Variants in MICU3 observed in about 807,000 individuals in gnomAD.
MICU3 encodes mitochondrial calcium uptake 3, also known as calcium uptake protein 3, mitochondrial.
A neutral mutation model predicts 66.5 loss-of-function variants in MICU3; 62 were observed. That is an observed-to-expected ratio of 0.93 (90% CI 0.76 to 1.15). The LOEUF (loss-of-function observed/expected upper bound fraction) is 1.15, where lower values mean the gene tolerates loss of function less well. Among genes scored for constraint, MICU3 ranks in the 50% most tolerant of loss-of-function variants. The pLI is 0.00. For missense variants in MICU3, 779 were observed against 664.4 expected, an observed-to-expected ratio of 1.17 and a Z score of -1.90; for synonymous variants, 308 against 240.7, an observed-to-expected ratio of 1.28 and a Z score of -2.59.
rs182542072 is a variant in MICU3 at position 17,089,426 on chromosome 8, T to G, written c.850-1120T>G. On this transcript the variant is annotated intron_variant, in intron 7 of 14. Transcript: ENST00000318063. ...ATTTTAGTTTTAAAGTTTTTTTTAG[T>G]TATACTACTTTACTTAGAAAACATT... Among the ~76,000 whole-genome samples, 258 of 152,236 alleles carry G rather than the reference T, an allele frequency of 1.7e-3. 2 individuals carry two copies. Among genetic ancestry groups the G allele is most frequent in the African/African-American group, 5.0e-3 (206 of 41,562 alleles).
At chr8:17,114,006 T>A in intron 11 of MICU3, 87 bp from the exon 12 acceptor site, 1 of 768,174 alleles carries the variant, frequency 1.3e-6, no homozygotes. Context: ...TGCAAATGCT[T>A]AATCTGTTTT....
intron 1 of MICU3, among the ~76,000 whole-genome samples, chr8:17,050,195 G>T (rs1463461688): frequency 6.6e-6 from 1 of 151,968 alleles, no homozygotes; most frequent in Non-Finnish European, 1.5e-5. Context: ...TTTCAGAATG[G>T]TACGCTAAGA....
downstream of MICU3, among the ~76,000 whole-genome samples, chr8:17,127,573 T>G (rs1438915883): frequency 6.6e-6 from 1 of 152,244 alleles, no homozygotes; most frequent in Admixed American, 6.5e-5. Flanking sequence ...CTTTACTATT[T>G]GGACTGAGAA....
chr8:17,036,342 A>G (rs1230238900), intron 1 of MICU3, among the ~76,000 whole-genome samples: 1 of 152,136 alleles, frequency 6.6e-6, no homozygotes, highest in Non-Finnish European at 1.5e-5. Context: ...GAGCAGTAGC[A>G]AGATTTATTG....
chr8:17,068,554 A>G (rs193213703), intron 2 of MICU3, among the ~76,000 whole-genome samples: 1 of 152,296 alleles, frequency 6.6e-6, no homozygotes, highest in African/African-American at 2.4e-5. Context: ...TGTCATAGTT[A>G]AGTTTACATG....
In MICU3 at chr8:17,120,643, A is replaced by G. The variant is rs570574398; in HGVS notation, c.*356A>G. 9.8e-5 allele frequency: 15 copies of G among 152,588 alleles called. No individual in the cohort carries two copies. Among genetic ancestry groups the G allele is most frequent in the Middle Eastern group, 3.4e-3 (1 of 294 alleles). The allele number at this position is 152,588 out of a possible 1,614,324, so 9.5% of individuals were successfully genotyped here. On this transcript the variant is annotated 3_prime_UTR_variant, in exon 15 of 15. Coordinates refer to ENST00000318063, the MANE Select transcript of MICU3 (RefSeq NM_181723.3). ...TTCATTAGAAATTTTCCTCATTTCAAAATAATTTATGACTCATGGAATGTT... is the reference window on the plus strand; with the variant it reads ...TTCATTAGAAATTTTCCTCATTTCAGAATAATTTATGACTCATGGAATGTT...
chr8:17,128,317 C>G, the MICU3 span, among the ~76,000 whole-genome samples: 3 of 151,568 alleles, frequency 2.0e-5, no homozygotes, highest in African/African-American at 4.8e-5. Context: ...ACATGATAAT[C>G]AAGCATAAAC....
At chr8:17,069,775 C>A (rs929710786) in intron 3 of MICU3, 56 bp downstream of exon 3, 5 of 574,912 alleles carry the variant, frequency 8.7e-6, no homozygotes, top group South Asian at 4.6e-5. Flanking sequence ...TGCATATATA[C>A]ATATATAATT....
intron 1 of MICU3, among the ~76,000 whole-genome samples, chr8:17,041,222 G>A (rs755716160): frequency 1.3e-5 from 2 of 151,774 alleles, no homozygotes; most frequent in Non-Finnish European, 2.9e-5. Flanking sequence ...TAAAGGACCG[G>A]CAGAGAAAAG....
At chr8:17,108,565 C>T (rs1358589095) in intron 11 of MICU3, among the ~76,000 whole-genome samples, 1 of 152,110 alleles carries the variant, frequency 6.6e-6, no homozygotes, top group African/African-American at 2.4e-5. Context: ...TTTTCACATT[C>T]TACGTACAAT....
At chr8:17,038,772 T>C (rs1813503211) in intron 1 of MICU3, among the ~76,000 whole-genome samples, 1 of 151,896 alleles carries the variant, frequency 6.6e-6, no homozygotes. Context: ...GCTAACACGG[T>C]GAAACCCCGT....
At chr8:17,074,501 A>G (rs1820082313) in intron 3 of MICU3, among the ~76,000 whole-genome samples, 1 of 152,008 alleles carries the variant, frequency 6.6e-6, no homozygotes, top group Non-Finnish European at 1.5e-5. Context: ...ATAAAACAGT[A>G]TGTAGAGAAT....
At chr8:17,033,149 C>G (rs1812379695) in intron 1 of MICU3, among the ~76,000 whole-genome samples, 2 of 152,182 alleles carry the variant, frequency 1.3e-5, no homozygotes, top group Non-Finnish European at 2.9e-5. Flanking sequence ...AGTTGCACAT[C>G]TCTCACTTTA....
chr8:17,104,200 A>G (rs1238002270), intron 9 of MICU3, among the ~76,000 whole-genome samples, 191 bp from the exon 10 acceptor site: 2 of 151,888 alleles, frequency 1.3e-5, no homozygotes, highest in Non-Finnish European at 2.9e-5. Flanking sequence ...TCAAAGTTCT[A>G]TTTTTAAAAT....
At chr8:17,045,227 C>G (rs899654919) in intron 1 of MICU3, among the ~76,000 whole-genome samples, 2 of 152,164 alleles carry the variant, frequency 1.3e-5, no homozygotes, top group African/African-American at 2.4e-5. Context: ...GTTCCTGGCT[C>G]GTAACTACCA....
Position 17,104,415 on chromosome 8 carries a change from G to T in MICU3, c.1009G>T (p.Val337Leu), listed in dbSNP as rs776733635. 1.4e-6 allele frequency: 2 copies of T among 1,425,260 alleles called. No individual in the cohort carries two copies. Among genetic ancestry groups the T allele is most frequent in the Non-Finnish European group, 1.9e-6 (2 of 1,070,406 alleles). 88.3% of individuals were successfully genotyped at this position (1,425,260 alleles called of 1,614,324 possible). A position where few individuals can be genotyped will look rare whatever the true frequency, so the allele number is the denominator to read the frequency against. ...GCGTGCTGATGACATCACAAGTTTA[G>T]TAACAGATACTACACTTCTTGTACA... Reference protein sequence around the residue: ...AERADDITSLVTDTTLLVHFF... With the variant: ...AERADDITSLLTDTTLLVHFF... Residue 337 changes from valine to leucine, a missense_variant, in exon 10 of 15, where the codon GTA becomes TTA. Coordinates refer to ENST00000318063, the MANE Select transcript of MICU3 (RefSeq NM_181723.3).
intron 12 of MICU3, among the ~76,000 whole-genome samples, chr8:17,115,471 A>T (rs796836626): frequency 6.6e-6 from 1 of 152,166 alleles, no homozygotes; most frequent in African/African-American, 2.4e-5. Context: ...AGAATAGAAA[A>T]GTTGTTTGTT....
chr8:17,062,794 G>T (rs956961084), intron 1 of MICU3, among the ~76,000 whole-genome samples: 4 of 151,860 alleles, frequency 2.6e-5, no homozygotes, highest in South Asian at 2.1e-4. Context: ...CAGGAGAGTC[G>T]CTTGAACCTG....
intron 1 of MICU3, among the ~76,000 whole-genome samples, chr8:17,039,895 CTTTTTTTTTTTTTT>C (rs35133600): frequency 1.3e-4 from 8 of 62,548 alleles, no homozygotes; most frequent in Admixed American, 2.9e-4. Context: ...ATCTTGCATT[CTTTTTTTTTTTTTT>C]TTTTTTTTTT....
Sources: allele counts gnomAD v4.1 joint callset (sites outside exome capture counted in the v4.1 genomes callset), GRCh38; gene constraint gnomAD v4.1.1; transcripts MANE v1.5; gene names NCBI Gene and HGNC (gene_info 2026-07-23, HGNC 2026-07-21).